Variants in MRO observed in about 807,000 individuals in gnomAD.
MRO encodes the protein maestro.
A neutral mutation model predicts 31.0 loss-of-function variants in MRO; 28 were observed. The ratio of observed to expected loss-of-function variants is 0.90; its 90% CI spans 0.67 to 1.24. MRO has a LOEUF of 1.24. Among genes scored for constraint, MRO ranks in the 50% most tolerant of loss-of-function variants. The pLI, the probability that MRO is intolerant of heterozygous loss-of-function variation, is 0.00. For synonymous variants in MRO, 108 were observed against 108.4 expected, an observed-to-expected ratio of 1.00 and a Z score of 0.02; for missense variants, 332 against 289.2, an observed-to-expected ratio of 1.15 and a Z score of -1.07.
intron 6 of MRO, among the ~76,000 whole-genome samples, chr18:50,800,573 T>G (rs1018838467): frequency 1.3e-5 from 2 of 152,164 alleles, no homozygotes; most frequent in African/African-American, 4.8e-5. Flanking sequence ...AAAACAAAAC[T>G]ACCAGAAGAA....
intron 5 of MRO, among the ~76,000 whole-genome samples, chr18:50,803,820 A>G (rs554248605): frequency 9.7e-4 from 148 of 152,358 alleles, no homozygotes; most frequent in African/African-American, 3.4e-3. Context: ...GGAGAGAATT[A>G]GGGCGTGGGG....
chr18:50,799,090 G>C lies in MRO; in HGVS notation c.*247C>G. ...ACACTTGGAATGTTTTAAAGAAAGT[G>C]TGTACCTGCTCATCAAATTTGTATG... On this transcript the variant is annotated 3_prime_UTR_variant, in exon 8 of 8. Coordinates refer to ENST00000398439, the MANE Select transcript of MRO (RefSeq NM_031939.6). The C allele has an allele frequency of 2.1e-6, 1 of 469,668 alleles. No individual in the cohort carries two copies. Among genetic ancestry groups the C allele is most frequent in the East Asian group, 3.8e-5 (1 of 26,014 alleles). The allele number at this position is 469,668 out of a possible 1,614,324, so 29.1% of individuals were successfully genotyped here.
At chr18:50,799,486 A>T in intron 7 of MRO, 96 bp from the exon 8 acceptor site, 1 of 1,050,324 alleles carries the variant, frequency 9.5e-7, no homozygotes, top group Non-Finnish European at 1.5e-6. Context: ...GGGCATGTGG[A>T]TAAGCAGGAG....
At chr18:50,806,983 C>A in intron 3 of MRO, 133 bp from the exon 4 acceptor site, 1 of 884,334 alleles carries the variant, frequency 1.1e-6, no homozygotes, top group Non-Finnish European at 1.7e-6. Context: ...CTACTAAAGA[C>A]GGCTGGGTTT....
At chr18:50,825,322 T>C (rs1453970835) in exon 1 of MRO, 1 of 152,232 alleles carries the variant, frequency 6.6e-6, no homozygotes, top group Non-Finnish European at 1.5e-5. Context: ...AGCTAGGCAA[T>C]GAGGAGCCCA....
intron 2 of MRO, among the ~76,000 whole-genome samples, chr18:50,811,118 A>G (rs755238127): frequency 2.6e-5 from 4 of 152,204 alleles, no homozygotes; most frequent in Non-Finnish European, 5.9e-5. Flanking sequence ...GGAGAGAGGT[A>G]GAAGATAGGC....
At position 50,800,036 on chromosome 18, in the gene MRO, CAGCTGCTGGTAG is replaced by C; in HGVS notation, c.681_692del (p.Tyr228_Leu231del). ...TTCTCTCCTACCCTGGCTCACTCACCAGCTGCTGGTAGAGCTTAGTGTTCCTTTGATCTTCTT... is the reference window on the plus strand; with the variant it reads ...TTCTCTCCTACCCTGGCTCACTCACCAGCTTAGTGTTCCTTTGATCTTCTT... On this transcript the variant is annotated inframe_deletion and splice_region_variant, in exon 7 of 8. Transcript: ENST00000398439. The C allele has an allele frequency of 6.2e-7, 1 of 1,609,864 alleles. No individual in the cohort carries two copies. The highest frequency in any genetic ancestry group is 8.5e-7 in the Non-Finnish European group (1 of 1,176,500).
Position 50,795,135 on chromosome 18 carries a change from T to A in MRO, c.*4202A>T, listed in dbSNP as rs1912687888. Reference sequence around the variant, plus strand: ...GTCACATAAATAAAATGATAATCAATCATAAGTCATTTTATTTGTTATCAA... The same window carrying A: ...GTCACATAAATAAAATGATAATCAAACATAAGTCATTTTATTTGTTATCAA... On this transcript the variant is annotated 3_prime_UTR_variant, in exon 8 of 8. Coordinates refer to ENST00000398439, the MANE Select transcript of MRO (RefSeq NM_031939.6). 6.6e-6 allele frequency: 1 copy of A among 152,172 alleles called. No individual in the cohort carries two copies. Among genetic ancestry groups the A allele is most frequent in the Non-Finnish European group, 1.5e-5 (1 of 68,034 alleles). The allele number at this position is 152,172 out of a possible 1,614,324, so 9.4% of individuals were successfully genotyped here.
At chr18:50,805,991 C>T (rs932258200) in intron 4 of MRO, among the ~76,000 whole-genome samples, 78 of 150,310 alleles carry the variant, frequency 5.2e-4, no homozygotes, top group African/African-American at 1.8e-3. Flanking sequence ...AATGGAGTCT[C>T]GCTCTGTCGC....
intron 5 of MRO, among the ~76,000 whole-genome samples, chr18:50,804,711 T>C (rs568426011): frequency 1.2e-3 from 189 of 152,176 alleles, no homozygotes; most frequent in Non-Finnish European, 9.6e-4. Context: ...AGTACTAGTC[T>C]CTCAACAAGA....
At chr18:50,805,402 CCACAT>C in intron 4 of MRO, 66 bp from the exon 5 acceptor site, 1 of 1,331,836 alleles carries the variant, frequency 7.5e-7, no homozygotes, top group Non-Finnish European at 1.1e-6. Flanking sequence ...AAAAGCAACC[CCACAT>C]CTAAGCTACT....
upstream of MRO, chr18:50,820,031 T>C (rs1915243988): frequency 7.1e-7 from 1 of 1,400,974 alleles, no homozygotes; most frequent in African/African-American, 1.4e-5. Context: ...ACCTTTCCTC[T>C]GCACCAAACA....
intron 2 of MRO, among the ~76,000 whole-genome samples, chr18:50,817,653 G>A (rs1915043784): frequency 6.6e-6 from 1 of 152,046 alleles, no homozygotes; most frequent in Non-Finnish European, 1.5e-5. Context: ...CCTCTATCCT[G>A]GAAATTAAAT....
chr18:50,804,895 G>A lies in MRO; in HGVS notation c.429+259C>T, dbSNP rs1233848627. 5.3e-5 allele frequency among the ~76,000 whole-genome samples: 8 copies of A among 151,954 alleles called. No homozygotes were observed. The East Asian group carries it at 1.4e-3, about 26-fold the overall frequency. ...CAACCTCCACCTCCCAAGTTCAAGCGATTCTCCTGCCTCAGCCTCCCGACT... is the reference window on the plus strand; with the variant it reads ...CAACCTCCACCTCCCAAGTTCAAGCAATTCTCCTGCCTCAGCCTCCCGACT... On this transcript the variant is annotated intron_variant, in intron 5 of 7. Transcript: ENST00000398439.
chr18:50,814,670 C>T (rs1914757001), intron 2 of MRO: 1 of 203,876 alleles, frequency 4.9e-6, no homozygotes. Flanking sequence ...GGTGCCCATC[C>T]AACAGTAAAG....
chr18:50,799,504 G>A, intron 7 of MRO, 114 bp from the exon 8 acceptor site: 1 of 866,288 alleles, frequency 1.2e-6, no homozygotes, highest in Non-Finnish European at 1.9e-6. Context: ...GAGAGGTGGA[G>A]GCATCATCTG....
chr18:50,799,741 T>C (rs1407549749), intron 7 of MRO, among the ~76,000 whole-genome samples: 1 of 151,972 alleles, frequency 6.6e-6, no homozygotes, highest in East Asian at 1.9e-4. Flanking sequence ...TGAAACCCCA[T>C]CTCTACTAAA....
intron 2 of MRO, among the ~76,000 whole-genome samples, chr18:50,813,808 A>C (rs1382687073): frequency 6.6e-6 from 1 of 152,178 alleles, no homozygotes; most frequent in Non-Finnish European, 1.5e-5. Flanking sequence ...GTGGACACAA[A>C]GAAGGCCACA....
intron 5 of MRO, among the ~76,000 whole-genome samples, chr18:50,801,898 C>T (rs919051063): frequency 6.6e-6 from 1 of 152,146 alleles, no homozygotes. Context: ...GGTCTACTTC[C>T]TACTCCTCTC....
Sources: allele counts gnomAD v4.1 joint callset (sites outside exome capture counted in the v4.1 genomes callset), GRCh38; gene constraint gnomAD v4.1.1; transcripts MANE v1.5; gene names NCBI Gene and HGNC (gene_info 2026-07-23, HGNC 2026-07-21).